BOLL: variants seen among roughly 807,000 people sequenced by gnomAD.
BOLL encodes protein boule-like.
Under a neutral mutation model 44.4 loss-of-function variants are expected in BOLL, and 23 were observed. The observed-to-expected ratio is 0.52, with a 90% CI of 0.37 to 0.73. BOLL has a LOEUF of 0.73. Ranked by LOEUF, BOLL falls within the 30% of genes least tolerant of loss-of-function variation. The probability of loss-of-function intolerance (pLI) is 0.00; values close to 1 mark genes in which losing one functional copy is unlikely to be tolerated. For missense variants in BOLL, 287 were observed against 338.3 expected (o/e 0.85, Z 1.19); for synonymous variants, 97 against 110.8 (o/e 0.88, Z 0.78).
chr2:197,777,275 A>T (rs1043414359), intron 3 of BOLL, among the ~76,000 whole-genome samples, 162 bp from the exon 4 acceptor site: 2 of 151,874 alleles, frequency 1.3e-5, no homozygotes, highest in African/African-American at 2.4e-5. Flanking sequence ...AATCATTCAC[A>T]GCCTAACACT....
chr2:197,752,800 C>A (rs930702607), intron 9 of BOLL, among the ~76,000 whole-genome samples: 1 of 152,140 alleles, frequency 6.6e-6, no homozygotes, highest in African/African-American at 2.4e-5. Flanking sequence ...TTAGAAAAAA[C>A]TAGTTTAAAT....
At chr2:197,743,443 A>C (rs1322110085) in intron 9 of BOLL, among the ~76,000 whole-genome samples, 1 of 152,234 alleles carries the variant, frequency 6.6e-6, no homozygotes, top group African/African-American at 2.4e-5. Flanking sequence ...ATGTAAATGC[A>C]GTTATGGCTT....
chr2:197,740,587 G>A (rs1464484525), intron 10 of BOLL, among the ~76,000 whole-genome samples: 2 of 152,132 alleles, frequency 1.3e-5, no homozygotes, highest in African/African-American at 4.8e-5. Context: ...TGGAAAAGGA[G>A]ATCATTAATT....
intron 6 of BOLL, among the ~76,000 whole-genome samples, chr2:197,770,204 C>G (rs1476775412): frequency 1.3e-5 from 2 of 152,116 alleles, no homozygotes; most frequent in Non-Finnish European, 2.9e-5. Flanking sequence ...CATCTACAAC[C>G]ATCTGATATT....
intron 7 of BOLL, among the ~76,000 whole-genome samples, chr2:197,757,856 T>C (rs1012973854): frequency 1.3e-5 from 2 of 152,136 alleles, no homozygotes; most frequent in Non-Finnish European, 2.9e-5. Context: ...ATGATATGAA[T>C]AGACTTTTCT....
intron 6 of BOLL, 39 bp from the exon 7 acceptor site, chr2:197,766,642 T>C: frequency 7.0e-7 from 1 of 1,435,924 alleles, no homozygotes; most frequent in South Asian, 1.2e-5. Flanking sequence ...GGCAGAAGCC[T>C]TTAAAATAGC....
intron 6 of BOLL, among the ~76,000 whole-genome samples, chr2:197,768,610 C>G (rs965985094): frequency 6.6e-6 from 1 of 150,614 alleles, no homozygotes; most frequent in Non-Finnish European, 1.5e-5. Context: ...GTGGATTAGT[C>G]GATACATAAA....
At chr2:197,772,022 T>C (rs774183779) in intron 5 of BOLL, 40 bp from the exon 6 acceptor site, 6 of 1,469,006 alleles carry the variant, frequency 4.1e-6, no homozygotes, top group Non-Finnish European at 3.7e-6. Context: ...AAATGTTCAA[T>C]TTAACTGTTA....
chr2:197,766,651 G>A (rs1244536528), intron 6 of BOLL, 48 bp from the exon 7 acceptor site: 2 of 1,350,988 alleles, frequency 1.5e-6, no homozygotes, highest in Non-Finnish European at 2.1e-6. Context: ...CTTTAAAATA[G>A]CTCACAATAA....
chr2:197,759,062 G>T, intron 7 of BOLL: 1 of 1,394,842 alleles, frequency 7.2e-7, no homozygotes, highest in Non-Finnish European at 9.8e-7. Context: ...GAGATGCCTA[G>T]CATTCATTTT....
At chr2:197,741,113 G>A (rs1687710166) in intron 10 of BOLL, among the ~76,000 whole-genome samples, 1 of 152,264 alleles carries the variant, frequency 6.6e-6, no homozygotes, top group Admixed American at 6.5e-5. Context: ...CTACCCGTGA[G>A]CATGGAATGT....
At chr2:197,731,161 A>G (rs1212444421) in intron 10 of BOLL, among the ~76,000 whole-genome samples, 1 of 152,124 alleles carries the variant, frequency 6.6e-6, no homozygotes, top group Non-Finnish European at 1.5e-5. Flanking sequence ...AGGGGTTGCA[A>G]TCCTGGTCTT....
intron 9 of BOLL, among the ~76,000 whole-genome samples, chr2:197,752,148 T>C (rs1452596578): frequency 2.6e-5 from 4 of 152,202 alleles, no homozygotes; most frequent in Non-Finnish European, 4.4e-5. Flanking sequence ...ATGGAATGTA[T>C]CTCAAAATAA....
At position 197,785,186 on chromosome 2, in the gene BOLL, T is replaced by A; in HGVS notation, c.-146A>T. ...GTGAACTTGGGCACCGAAACGAGGA[T>A]CCACCCCCTCCCCACCAAAGTGCGG... On this transcript the variant is annotated 5_prime_UTR_variant, in exon 1 of 11. Coordinates refer to ENST00000392296, the MANE Select transcript of BOLL (RefSeq NM_033030.6). The surrounding 1 kb of genome is among the most constrained non-coding windows in gnomAD (Gnocchi z 6.7). 1.0e-6 allele frequency: 1 copy of A among 985,728 alleles called. No homozygotes were observed. 61.1% of individuals were successfully genotyped at this position (985,728 alleles called of 1,614,324 possible).
In BOLL at chr2:197,735,672, C is replaced by G. The variant is rs540188703; in HGVS notation, c.829-7094G>C. On this transcript the variant is annotated intron_variant, in intron 10 of 10. Transcript: ENST00000392296. ...TTATTTCTATAACTTCTCAGTAAAT[C>G]TGAAATTATTTCAAAATGCAAGGCT... 1.3e-3 allele frequency among the ~76,000 whole-genome samples: 194 copies of G among 152,188 alleles called. 1 individual carries two copies. The highest frequency in any genetic ancestry group is 2.3e-3 in the Non-Finnish European group (157 of 67,988).
intron 6 of BOLL, among the ~76,000 whole-genome samples, chr2:197,769,024 G>A (rs1223041361): frequency 1.1e-4 from 17 of 151,730 alleles, no homozygotes; most frequent in Admixed American, 1.1e-3. Flanking sequence ...CTTGATTATG[G>A]TGGATAAGCT....
In BOLL at chr2:197,727,751, C is replaced by G. The variant is rs1292176361; in HGVS notation, c.*804G>C. The G allele has an allele frequency of 6.6e-6, 1 of 152,070 alleles. No individual in the cohort carries two copies. Among genetic ancestry groups the G allele is most frequent in the Non-Finnish European group, 1.5e-5 (1 of 67,998 alleles). The allele number at this position is 152,070 out of a possible 1,614,324, so 9.4% of individuals were successfully genotyped here. A position where few individuals can be genotyped will look rare whatever the true frequency, so the allele number is the denominator to read the frequency against. ...TATGGGATCATGTCAGAGATGAACC[C>G]TTTTATCAAAATTCCAAAGGTGGAT... On this transcript the variant is annotated 3_prime_UTR_variant, in exon 11 of 11. Transcript: ENST00000392296.
chr2:197,757,380 T>C lies in BOLL; in HGVS notation c.573A>G (p.Pro191=). 1 of 1,610,530 alleles carries C rather than the reference T, an allele frequency of 6.2e-7. No individual in the cohort carries two copies. Among genetic ancestry groups the C allele is most frequent in the Non-Finnish European group, 8.5e-7 (1 of 1,178,294 alleles). ...GAGGAACACTCCACTGCCACTGTCC[T>C]GGTAAATACTGTGTGGTGGCCTAAA... The part of the protein sequence containing the change: ...YHYQATTQYL[P]GQWQWSVPQP... The change falls in exon 8 of 11, where the codon CCA becomes CCG. Residue 191 remains proline, a synonymous_variant. Coordinates refer to ENST00000392296, the MANE Select transcript of BOLL (RefSeq NM_033030.6).
intron 10 of BOLL, among the ~76,000 whole-genome samples, chr2:197,740,993 A>C (rs1262602216): frequency 6.6e-6 from 1 of 152,132 alleles, no homozygotes; most frequent in Non-Finnish European, 1.5e-5. Flanking sequence ...TGAACTTTAA[A>C]GTAGTTTTTT....
Sources: allele counts gnomAD v4.1 joint callset (sites outside exome capture counted in the v4.1 genomes callset), GRCh38; gene constraint gnomAD v4.1.1; non-coding constraint Gnocchi (gnomAD v3.1); transcripts MANE v1.5; gene names NCBI Gene and HGNC (gene_info 2026-07-23, HGNC 2026-07-21).